The following NOTCH3 variants were observed in gnomAD, a reference collection of about 807,000 sequenced individuals.
The protein encoded by NOTCH3 is notch receptor 3.
Under a neutral mutation model 213.3 loss-of-function variants are expected in NOTCH3, and 86 were observed. The observed-to-expected ratio is 0.40, with a 90% CI of 0.34 to 0.48. The LOEUF (loss-of-function observed/expected upper bound fraction) is 0.48. Ranked by LOEUF, NOTCH3 falls within the 20% of genes least tolerant of loss-of-function variation. The pLI is 0.57. For synonymous variants in NOTCH3, 1,354 were observed against 1,355.9 expected, an observed-to-expected ratio of 1.00 and a Z score of 0.03; for missense variants, 2,783 against 3,272.6, an observed-to-expected ratio of 0.85 and a Z score of 3.65.
chr19:15,184,795 C>A, intron 15 of NOTCH3, 111 bp downstream of exon 15: 1 of 688,178 alleles, frequency 1.5e-6, no homozygotes, highest in Non-Finnish European at 2.6e-6. Context: ...GGAAGCCCCT[C>A]TCAAAGGCAG....
rs1162467192 is a variant in NOTCH3, at chr19:15,173,104, CTTTTTTTTTTTTTT to C, written c.4736+950_4736+963del. On this transcript the variant is annotated intron_variant, in intron 25 of 32. Coordinates refer to ENST00000263388, the MANE Select transcript of NOTCH3 (RefSeq NM_000435.3). ...TCTTCTTCTTCTTCTTCTTCTTCTTCTTTTTTTTTTTTTTTTTTTTTTTTAAGAGATCGGAGGCC... is the reference window on the plus strand; with the variant it reads ...TCTTCTTCTTCTTCTTCTTCTTCTTCTTTTTTTTTTAAGAGATCGGAGGCC... Among the ~76,000 whole-genome samples, 53 of 19,252 alleles carry C rather than the reference CTTTTTTTTTTTTTT, an allele frequency of 2.8e-3. 5 individuals are homozygous for C. Among genetic ancestry groups the C allele is most frequent in the African/African-American group, 0.026 (49 of 1,878 alleles). The allele number at this position is 19,252 out of a possible 152,430, so 12.6% of individuals were successfully genotyped here. A position where few individuals can be genotyped will look rare whatever the true frequency, so the allele number is the denominator to read the frequency against.
chr19:15,168,141 C>T (rs1044128481), intron 28 of NOTCH3, among the ~76,000 whole-genome samples: 5 of 152,128 alleles, frequency 3.3e-5, no homozygotes, highest in African/African-American at 1.2e-4. Context: ...AACCCCACCC[C>T]TTAGTAGCTG....
intron 31 of NOTCH3, among the ~76,000 whole-genome samples, chr19:15,164,014 A>C (rs1342363430): frequency 6.6e-6 from 1 of 152,198 alleles, no homozygotes; most frequent in East Asian, 1.9e-4. Flanking sequence ...CCATGAAGAC[A>C]AAAAGCAAAT....
At chr19:15,184,122 T>A (rs1052020060) in intron 16 of NOTCH3, among the ~76,000 whole-genome samples, 173 bp downstream of exon 16, 1 of 148,110 alleles carries the variant, frequency 6.8e-6, no homozygotes, top group East Asian at 2.0e-4. Context: ...ACTCGTTCCA[T>A]GGGCTTGCAC....
chr19:15,161,180 G>A lies in NOTCH3; in HGVS notation c.6448C>T (p.Arg2150Cys), dbSNP rs777802431. ...AGTACACATCCTCCAGGGGGCTGGCGCCCTAGACCCGCCCGGCCTGGGCCA... is the reference window on the plus strand; with the variant it reads ...AGTACACATCCTCCAGGGGGCTGGCACCCTAGACCCGCCCGGCCTGGGCCA... ...LGGPGRAGLG[R>C]QPPGGCVLSL... Residue 2150 changes from arginine (R) to cysteine (C), a missense_variant, in exon 33 of 33, where the codon CGC becomes TGC. Around this residue, in one of 6 missense-constraint regions of NOTCH3, gnomAD observed 441 missense variants for 432.1 expected, o/e 1.02. Coordinates refer to ENST00000263388, the MANE Select transcript of NOTCH3 (RefSeq NM_000435.3). The A allele has an allele frequency of 2.2e-5, 34 of 1,539,418 alleles. No homozygotes were observed. Among genetic ancestry groups the A allele is most frequent in the African/African-American group, 5.5e-5 (4 of 73,376 alleles).
At position 15,161,488 on chromosome 19, in the gene NOTCH3, C is replaced by A; in HGVS notation, c.6140G>T (p.Gly2047Val). 6.3e-7 allele frequency: 1 copy of A among 1,584,082 alleles called. No individual in the cohort carries two copies. The change falls in exon 33 of 33, where the codon GGG (glycine) becomes GTG (valine). Residue 2047 changes from glycine (G) to valine (V), a missense_variant. This residue lies in a region of NOTCH3 where 441 missense variants were observed against 432.1 expected (regional missense o/e 1.02). Transcript: ENST00000263388. Reference sequence around the variant, plus strand: ...CGCTTTGAGGCCAGGGAGGAAGGCCCCTGGAGGACAGAGCAGAGGCCCCAG... The same window carrying A: ...CGCTTTGAGGCCAGGGAGGAAGGCCACTGGAGGACAGAGCAGAGGCCCCAG... The part of the protein sequence containing the change: ...HGLGPLLCPP[G>V]AFLPGLKAAQ...
Position 15,180,950 on chromosome 19 carries a change from A to T in NOTCH3, c.2994+11T>A. On this transcript the variant is annotated intron_variant, in intron 18 of 32. Transcript: ENST00000263388. ...AGGCTCCTCCCCCAGGTCCCCAGTA[A>T]CTCCACCCACCTGGCACTGCGGGCC... is the stretch of plus-strand genomic sequence containing the variant. The T allele has an allele frequency of 6.3e-7, 1 of 1,586,924 alleles. No individual in the cohort carries two copies. Among genetic ancestry groups the T allele is most frequent in the Non-Finnish European group, 8.6e-7 (1 of 1,167,770 alleles).
chr19:15,167,124 A>G (rs1599366353), intron 29 of NOTCH3, 125 bp downstream of exon 29: 1 of 1,014,826 alleles, frequency 9.9e-7, no homozygotes, highest in Non-Finnish European at 1.5e-6. Context: ...GTGTTGCTGA[A>G]TACACACACC....
At position 15,170,707 on chromosome 19, in the gene NOTCH3, G is replaced by C. The variant is rs1368023123; in HGVS notation, c.4855C>G (p.Arg1619Gly). ...DYLGALSAVERLDFPYPLRDV... is the reference protein window; with the variant it reads ...DYLGALSAVEGLDFPYPLRDV... ...CGCAGTGGGTACGGGAAGTCCAGGC[G>C]CTCCACCGCTGACAACGCTCCCAGG... The change falls in exon 26 of 33, where the codon CGC becomes GGC. Residue 1619 changes from arginine (R) to glycine (G), a missense_variant. Physicochemically the swap from Arg to Gly is moderately radical, Grantham distance 125. Around this residue, in one of 6 missense-constraint regions of NOTCH3, gnomAD observed 636 missense variants for 801.8 expected, o/e 0.79. Coordinates refer to ENST00000263388, the MANE Select transcript of NOTCH3 (RefSeq NM_000435.3). 1 of 1,597,248 alleles carries C rather than the reference G, an allele frequency of 6.3e-7. No individual in the cohort carries two copies. The highest frequency in any genetic ancestry group is 8.5e-7 in the Non-Finnish European group (1 of 1,172,776).
At chr19:15,188,856 C>G in intron 8 of NOTCH3, 133 bp downstream of exon 8, 3 of 878,520 alleles carry the variant, frequency 3.4e-6, no homozygotes, top group Admixed American at 2.2e-5. Flanking sequence ...GACCCCACCT[C>G]CTTCCAGGCT....
At chr19:15,164,907 AG>A (rs2046673373) in intron 31 of NOTCH3, among the ~76,000 whole-genome samples, 1 of 151,982 alleles carries the variant, frequency 6.6e-6, no homozygotes, top group Non-Finnish European at 1.5e-5. Flanking sequence ...CAGTTTCTGG[AG>A]TAGCTAGGGC....
In NOTCH3 at chr19:15,186,894, G is replaced by A; in HGVS notation, c.1935C>T (p.Cys645=). 2 of 1,614,156 alleles carry A rather than the reference G, an allele frequency of 1.2e-6. No individual in the cohort carries two copies. Among genetic ancestry groups the A allele is most frequent in the East Asian group, 2.2e-5 (1 of 44,880 alleles). Residue 645 remains cysteine, a synonymous_variant, in exon 12 of 33, where the codon TGC becomes TGT. Transcript: ENST00000263388. ...CTTGCCCACCTGTGAAGCCAGGTTG[G>A]CAGACACAGTCGTAGCGGTTGATGC... ...RDGINRYDCV[C]QPGFTGPLCN... is the part of the protein sequence containing the mutation.
intron 25 of NOTCH3, 41 bp from the exon 26 acceptor site, chr19:15,170,866 G>GCC: frequency 1.2e-6 from 2 of 1,606,002 alleles, no homozygotes; most frequent in Admixed American, 3.4e-5. Context: ...CTCAAAAATT[G>GCC]CCCGATGCAC....
At chr19:15,180,873 GT>G in intron 18 of NOTCH3, 45 bp from the exon 19 acceptor site, 1 of 1,607,964 alleles carries the variant, frequency 6.2e-7, no homozygotes. Context: ...GTGGGGGGTA[GT>G]CTGGGAGAAA....
rs1047180092 is a variant in NOTCH3, at chr19:15,184,236, T to G, written c.2566+59A>C. The G allele has an allele frequency of 1.0e-5, 16 of 1,535,292 alleles. No individual in the cohort carries two copies. In the African/African-American group the frequency reaches 2.2e-4, roughly 21 times the overall value. ...TGACAGCACAGTGCCAGGCACACAG[T>G]TCAAGCTTAATGACTGTGTTCCCCA... On this transcript the variant is annotated intron_variant, in intron 16 of 32. Transcript: ENST00000263388.
At chr19:15,198,373 GAGGA>G (rs1388155950) in intron 1 of NOTCH3, among the ~76,000 whole-genome samples, 1 of 152,212 alleles carries the variant, frequency 6.6e-6, no homozygotes, top group Non-Finnish European at 1.5e-5. Flanking sequence ...GTGATGGAGA[GAGGA>G]AGGAAGATCG....
chr19:15,197,553 C>T lies in NOTCH3; in HGVS notation c.144G>A (p.Pro48=), dbSNP rs569710153. The change falls in exon 2 of 33, where the codon CCG becomes CCA. Residue 48 remains proline, a synonymous_variant. Coordinates refer to ENST00000263388, the MANE Select transcript of NOTCH3 (RefSeq NM_000435.3). ...AAAPPCLDGS[P]CANGGRCTQL... ...GGGTGCAACGACCTCCATTTGCACA[C>T]GGGCTTCCGTCCAGGCAAGGGGGGG... The T allele has an allele frequency of 2.4e-5, 39 of 1,611,342 alleles. No homozygotes were observed. Among genetic ancestry groups the T allele is most frequent in the Admixed American group, 1.3e-4 (8 of 59,918 alleles).
chr19:15,197,441 G>GCGGCCCCCCC, intron 2 of NOTCH3, 59 bp downstream of exon 2: 5 of 768,352 alleles, frequency 6.5e-6, no homozygotes, highest in African/African-American at 1.7e-5. Context: ...AAGACAAATC[G>GCGGCCCCCCC]CCCCTCCCCC....
At chr19:15,197,054 G>A (rs995096139) in intron 2 of NOTCH3, among the ~76,000 whole-genome samples, 1 of 152,214 alleles carries the variant, frequency 6.6e-6, no homozygotes, top group Admixed American at 6.6e-5. Context: ...GTGTGGGACT[G>A]TATTATAGGC....
Sources: gnomAD v4.1 joint callset for allele counts (sites outside exome capture counted in the v4.1 genomes callset) on GRCh38, gnomAD v4.1.1 for gene constraint, gnomAD v4.1.1 regional missense constraint, MANE v1.5 for transcripts, NCBI Gene and HGNC (gene_info 2026-07-23, HGNC 2026-07-21) for gene names.